CCDC171: variants seen among roughly 807,000 people sequenced by gnomAD.
The protein encoded by CCDC171 is coiled-coil domain containing 171, also known as coiled-coil domain-containing protein 171.
A neutral mutation model predicts 168.2 loss-of-function variants in CCDC171; 177 were observed. That is an observed-to-expected ratio of 1.05 (90% confidence interval 0.93 to 1.19). CCDC171 has a LOEUF of 1.19. Among genes scored for constraint, CCDC171 ranks in the 50% most tolerant of loss-of-function variants. The probability of loss-of-function intolerance (pLI) is 0.00; values close to 1 mark genes in which losing one functional copy is unlikely to be tolerated. For missense variants in CCDC171, 1,991 were observed against 1,539.0 expected (o/e 1.29, Z -4.91); for synonymous variants, 687 against 540.8 (o/e 1.27, Z -3.75).
chr9:15,761,017 G>C (rs2056414713), intron 18 of CCDC171, among the ~76,000 whole-genome samples: 1 of 152,168 alleles, frequency 6.6e-6, no homozygotes, highest in Non-Finnish European at 1.5e-5. Context: ...GAATTCTTTA[G>C]ATAGCTGAAC....
chr9:16,030,107 G>A (rs1833342378), intron 6 of CCDC171, among the ~76,000 whole-genome samples: 1 of 152,154 alleles, frequency 6.6e-6, no homozygotes, highest in Non-Finnish European at 1.5e-5. Context: ...CATAAGGAGA[G>A]AGCCCTCATG....
intron 7 of CCDC171, among the ~76,000 whole-genome samples, chr9:15,656,396 A>G (rs763627878): frequency 2.0e-5 from 3 of 152,186 alleles, no homozygotes; most frequent in Non-Finnish European, 2.9e-5. Flanking sequence ...TTTACCCCAG[A>G]GAAATGAAAG....
intron 25 of CCDC171, among the ~76,000 whole-genome samples, chr9:15,946,128 T>G (rs1040432401): frequency 4.7e-4 from 71 of 152,086 alleles, no homozygotes; most frequent in Non-Finnish European, 9.4e-4. Flanking sequence ...CATCATTTAT[T>G]AAATAGGGAA....
chr9:15,585,634 G>C (rs963145694), intron 4 of CCDC171, among the ~76,000 whole-genome samples: 1 of 152,136 alleles, frequency 6.6e-6, no homozygotes. Flanking sequence ...TTTTTGGGTT[G>C]AAAGAAATGT....
rs537516794 is a variant in CCDC171, at chr9:15,940,550, C to G, written c.3753+20128C>G. On this transcript the variant is annotated intron_variant, in intron 25 of 25. Coordinates refer to ENST00000380701, the MANE Select transcript of CCDC171 (RefSeq NM_173550.4). ...CAACAAGGATATAAAAAGGTACTAT[C>G]TATCATCAAACATCTTGTACTATTT... 3.3e-5 allele frequency among the ~76,000 whole-genome samples: 5 copies of G among 152,106 alleles called. No individual in the cohort carries two copies. The East Asian group carries it at 7.8e-4, about 24-fold the overall frequency.
intron 6 of CCDC171, among the ~76,000 whole-genome samples, chr9:15,597,389 A>G (rs2042453960): frequency 6.6e-6 from 1 of 152,184 alleles, no homozygotes; most frequent in African/African-American, 2.4e-5. Flanking sequence ...CCTTTTCTGC[A>G]TTTATTGAGA....
chr9:16,079,966 A>T, the CCDC171 span, among the ~76,000 whole-genome samples: 2 of 152,208 alleles, frequency 1.3e-5, no homozygotes, highest in African/African-American at 4.8e-5. Flanking sequence ...CAAAGTTATC[A>T]TGTCACTGTG....
chr9:15,623,884 T>A (rs2044797680), intron 7 of CCDC171, among the ~76,000 whole-genome samples: 1 of 152,210 alleles, frequency 6.6e-6, no homozygotes, highest in Non-Finnish European at 1.5e-5. Context: ...AATTTACAGA[T>A]GAAAAACAGG....
At chr9:15,761,097 T>A (rs1472400256) in intron 18 of CCDC171, among the ~76,000 whole-genome samples, 1 of 152,206 alleles carries the variant, frequency 6.6e-6, no homozygotes, top group African/African-American at 2.4e-5. Context: ...CTTTGAAATA[T>A]CTCTGAACAA....
intron 7 of CCDC171, among the ~76,000 whole-genome samples, chr9:15,640,028 G>A (rs2046479161): frequency 6.6e-6 from 1 of 152,124 alleles, no homozygotes; most frequent in Non-Finnish European, 1.5e-5. Flanking sequence ...CTGGCATATA[G>A]TAGGTACTCT....
At chr9:15,812,881 A>G (rs920521456) in intron 21 of CCDC171, among the ~76,000 whole-genome samples, 3 of 152,164 alleles carry the variant, frequency 2.0e-5, no homozygotes, top group African/African-American at 7.2e-5. Context: ...ATGGGTTTAA[A>G]TTATCTTGCA....
intron 11 of CCDC171, among the ~76,000 whole-genome samples, chr9:15,721,145 G>T (rs1301767271): frequency 1.3e-5 from 2 of 152,024 alleles, no homozygotes; most frequent in African/African-American, 4.8e-5. Flanking sequence ...AGTTTTAAGG[G>T]TTTTAATTGA....
At chr9:15,622,322 A>G (rs1018958267) in intron 6 of CCDC171, among the ~76,000 whole-genome samples, 1 of 152,242 alleles carries the variant, frequency 6.6e-6, no homozygotes, top group Admixed American at 6.5e-5. Context: ...AATATGAAAT[A>G]AAAGTTGAAT....
chr9:15,592,563 A>G (rs946305367), intron 5 of CCDC171, among the ~76,000 whole-genome samples: 1 of 151,962 alleles, frequency 6.6e-6, no homozygotes, highest in Non-Finnish European at 1.5e-5. Context: ...CAGTAGTCAT[A>G]GTTTGTTTCT....
intron 7 of CCDC171, among the ~76,000 whole-genome samples, chr9:15,642,352 T>TAC (rs1469622313): frequency 7.7e-5 from 3 of 38,738 alleles, no homozygotes; most frequent in African/African-American, 2.1e-4. Context: ...TGTATATATA[T>TAC]ATATATATAT....
intron 21 of CCDC171, among the ~76,000 whole-genome samples, chr9:15,841,644 A>G (rs1378567915): frequency 6.6e-6 from 1 of 152,036 alleles, no homozygotes; most frequent in African/African-American, 2.4e-5. Context: ...CATATAAAAT[A>G]TAAGATACCA....
intron 7 of CCDC171, among the ~76,000 whole-genome samples, chr9:15,632,800 T>C (rs373385883): frequency 1.1e-4 from 16 of 151,914 alleles, no homozygotes; most frequent in Admixed American, 2.0e-4. Context: ...ACCAAAACAG[T>C]ATGGTACTGG....
chr9:15,636,847 ACT>A (rs1263101305), intron 7 of CCDC171, among the ~76,000 whole-genome samples: 1 of 151,384 alleles, frequency 6.6e-6, no homozygotes, highest in Non-Finnish European at 1.5e-5. Context: ...ATGCTAGAAA[ACT>A]CTATCATCAC....
At chr9:15,597,236 G>A (rs1426998942) in intron 6 of CCDC171, among the ~76,000 whole-genome samples, 35 of 152,076 alleles carry the variant, frequency 2.3e-4, no homozygotes, top group Non-Finnish European at 1.2e-4. Flanking sequence ...TTTTCAAAGG[G>A]AATGCTTCCA....
Sources: allele counts gnomAD v4.1 joint callset (sites outside exome capture counted in the v4.1 genomes callset), GRCh38; gene constraint gnomAD v4.1.1; transcripts MANE v1.5; gene names NCBI Gene and HGNC (gene_info 2026-07-23, HGNC 2026-07-21).